KDM3A: variants seen among roughly 807,000 people sequenced by gnomAD.
KDM3A encodes lysine-specific demethylase 3A.
Under a neutral mutation model 158.0 loss-of-function variants are expected in KDM3A, and 60 were observed. The ratio of observed to expected loss-of-function variants is 0.38; its 90% confidence interval spans 0.31 to 0.47. The LOEUF is 0.47. KDM3A is among the 20% of genes least tolerant of loss of function. The pLI, the probability that KDM3A is intolerant of heterozygous loss-of-function variation, is 0.99. For missense variants in KDM3A, 1,319 were observed against 1,574.3 expected (o/e 0.84, Z 2.74); for synonymous variants, 608 against 549.3 (o/e 1.11, Z -1.49).
chr2:86,455,413 C>T (rs778444084), intron 5 of KDM3A, among the ~76,000 whole-genome samples: 4 of 151,566 alleles, frequency 2.6e-5, no homozygotes, highest in East Asian at 1.9e-4. Context: ...CCACCACACC[C>T]GGCTAGTTTT....
At chr2:86,456,903 T>C (rs1203505132) in intron 7 of KDM3A, 26 bp downstream of exon 7, 2 of 1,582,058 alleles carry the variant, frequency 1.3e-6, no homozygotes, top group African/African-American at 1.3e-5. Context: ...AAAATCTTTC[T>C]TCTCCTTCCT....
At chr2:86,491,840 T>C in intron 25 of KDM3A, 199 bp from the exon 26 acceptor site, 1 of 566,750 alleles carries the variant, frequency 1.8e-6, no homozygotes, top group South Asian at 2.2e-5. Context: ...AAATGAGTTC[T>C]TGAAATCATG....
At chr2:86,476,035 C>T (rs1176119997) in intron 12 of KDM3A, among the ~76,000 whole-genome samples, 1 of 152,188 alleles carries the variant, frequency 6.6e-6, no homozygotes, top group Non-Finnish European at 1.5e-5. Flanking sequence ...TTTAGAATTA[C>T]TTCATTCTGC....
intron 6 of KDM3A, 74 bp downstream of exon 6, chr2:86,456,640 T>C: frequency 7.0e-7 from 1 of 1,432,686 alleles, no homozygotes; most frequent in African/African-American, 1.4e-5. Context: ...TATGATTTTC[T>C]AGGCACTAAA....
At chr2:86,480,743 TAAAAG>T (rs911628286) in intron 16 of KDM3A, among the ~76,000 whole-genome samples, 2 of 152,186 alleles carry the variant, frequency 1.3e-5, no homozygotes, top group African/African-American at 2.4e-5. Flanking sequence ...AAGGAGCTCT[TAAAAG>T]AACTCATAAA....
At position 86,477,903 on chromosome 2, in the gene KDM3A, A is replaced by G. The variant is rs1415116635; in HGVS notation, c.1966A>G (p.Lys656Glu). ...HRQVAWKRAVKGVREMCDVCD... is the reference protein window; with the variant it reads ...HRQVAWKRAVEGVREMCDVCD... ...ACAGGTTGCTTGGAAGCGAGCTGTC[A>G]AAGGTGTTCGAGAAATGTGTGATGT... Residue 656 changes from lysine to glutamate, a missense_variant, in exon 13 of 26, where the codon AAA (lysine) becomes GAA (glutamate). Transcript: ENST00000312912. 1 of 1,613,068 alleles carries G rather than the reference A, an allele frequency of 6.2e-7. No homozygotes were observed. Among genetic ancestry groups the G allele is most frequent in the Non-Finnish European group, 8.5e-7 (1 of 1,179,456 alleles).
intron 11 of KDM3A, among the ~76,000 whole-genome samples, chr2:86,473,054 A>G (rs1051310685): frequency 2.0e-5 from 3 of 152,206 alleles, no homozygotes; most frequent in Non-Finnish European, 2.9e-5. Context: ...ATAAGAATTA[A>G]TGACTGTTAG....
Position 86,492,234 on chromosome 2 carries a change from T to C in KDM3A, c.*115T>C. Reference sequence around the variant, plus strand: ...CTTCTTTTTTAAACTGTACCCAACTTGTGAGGGTACTCTGTCTAATGTATA... The same window carrying C: ...CTTCTTTTTTAAACTGTACCCAACTCGTGAGGGTACTCTGTCTAATGTATA... On this transcript the variant is annotated 3_prime_UTR_variant, in exon 26 of 26. Transcript: ENST00000312912. 1.4e-6 allele frequency: 1 copy of C among 728,682 alleles called. No individual in the cohort carries two copies. The highest frequency in any genetic ancestry group is 1.6e-5 in the South Asian group (1 of 62,426). The allele number at this position is 728,682 out of a possible 1,614,324, so 45.1% of individuals were successfully genotyped here.
At chr2:86,445,571 C>T (rs1682925026) in intron 2 of KDM3A, among the ~76,000 whole-genome samples, 1 of 152,136 alleles carries the variant, frequency 6.6e-6, no homozygotes, top group African/African-American at 2.4e-5. Context: ...GTCTAATGCC[C>T]CTTCTTAGTC....
chr2:86,464,312 T>G lies in KDM3A; in HGVS notation c.1007+96T>G, dbSNP rs1673045732. 4.3e-6 allele frequency: 4 copies of G among 926,090 alleles called. No individual in the cohort carries two copies. The African/African-American group carries it at 6.8e-5, about 16-fold the overall frequency. 57.4% of individuals were successfully genotyped at this position (926,090 alleles called of 1,614,324 possible). On this transcript the variant is annotated intron_variant, in intron 9 of 25. Transcript: ENST00000312912. ...TTATCCCTGGTTGTCCAGGGAGGTT[T>G]TTCGTTAGAGTTTCTGAGAAAAGAT...
At chr2:86,481,524 G>A (rs988066458) in intron 16 of KDM3A, among the ~76,000 whole-genome samples, 1 of 150,542 alleles carries the variant, frequency 6.6e-6, no homozygotes, top group Non-Finnish European at 1.5e-5. Flanking sequence ...CAGTTTCTGT[G>A]TTCAAGAACA....
Position 86,492,310 on chromosome 2 carries a change from A to C in KDM3A, c.*191A>C. 1 of 513,710 alleles carries C rather than the reference A, an allele frequency of 1.9e-6. No individual in the cohort carries two copies. Among genetic ancestry groups the C allele is most frequent in the Admixed American group, 3.5e-5 (1 of 28,358 alleles). The allele number at this position is 513,710 out of a possible 1,614,324, so 31.8% of individuals were successfully genotyped here. A position where few individuals can be genotyped will look rare whatever the true frequency, so the allele number is the denominator to read the frequency against. ...GTGTATATGTAGTAACTATTTACAG[A>C]ACATGCATCCTTAAACTGTGACTTC... On this transcript the variant is annotated 3_prime_UTR_variant, in exon 26 of 26. Transcript: ENST00000312912.
chr2:86,468,482 G>T (rs1034428097), intron 10 of KDM3A, among the ~76,000 whole-genome samples: 4 of 152,100 alleles, frequency 2.6e-5, no homozygotes, highest in Non-Finnish European at 5.9e-5. Flanking sequence ...AGTGAGTTAC[G>T]GAGTCCAGCT....
In KDM3A at chr2:86,466,604, C is replaced by T. The variant is rs1314202523; in HGVS notation, c.1240C>T (p.Pro414Ser). ...ESVPQALTGL[P>S]KECLPTKASS... The stretch of plus-strand genomic sequence containing the variant: ...TGTTCCACAAGCATTGACTGGCCTT[C>T]CTAAGGAGTGCTTACCTACAAAGGC... The change falls in exon 10 of 26, where the codon CCT (proline) becomes TCT (serine). Residue 414 changes from proline (P) to serine (S), a missense_variant. Coordinates refer to ENST00000312912, the MANE Select transcript of KDM3A (RefSeq NM_018433.6). 2 of 1,613,836 alleles carry T rather than the reference C, an allele frequency of 1.2e-6. No homozygotes were observed. The highest frequency in any genetic ancestry group is 1.3e-5 in the African/African-American group (1 of 74,910).
chr2:86,440,605 T>G (rs1029384599), upstream of KDM3A: 1 of 152,232 alleles, frequency 6.6e-6, no homozygotes, highest in Admixed American at 6.5e-5. Flanking sequence ...TCATTATACA[T>G]TGTATTTAAA....
chr2:86,456,783 C>T, intron 6 of KDM3A, 22 bp from the exon 7 acceptor site: 1 of 1,588,736 alleles, frequency 6.3e-7, no homozygotes, highest in Non-Finnish European at 8.6e-7. Flanking sequence ...TTTCCGGTAT[C>T]TTTGTTTCAT....
At chr2:86,478,332 T>C (rs1407337668) in intron 14 of KDM3A, 67 bp downstream of exon 14, 2 of 1,189,702 alleles carry the variant, frequency 1.7e-6, no homozygotes, top group Non-Finnish European at 1.2e-6. Flanking sequence ...CTGGTAGTTT[T>C]GTTTTCCTTT....
intron 12 of KDM3A, among the ~76,000 whole-genome samples, chr2:86,477,503 A>G (rs1355628677): frequency 6.6e-6 from 1 of 152,178 alleles, no homozygotes; most frequent in Non-Finnish European, 1.5e-5. Flanking sequence ...AAATTCTGAA[A>G]GGGACTCATG....
chr2:86,483,946 C>T (rs372993654), intron 18 of KDM3A, 41 bp from the exon 19 acceptor site: 69 of 1,542,556 alleles, frequency 4.5e-5, no homozygotes, highest in Non-Finnish European at 6.1e-5. Context: ...GGGGACAGAG[C>T]TGGCAGAGTT....
Sources: gnomAD v4.1 joint callset for allele counts (sites outside exome capture counted in the v4.1 genomes callset) on GRCh38, gnomAD v4.1.1 for gene constraint, MANE v1.5 for transcripts, NCBI Gene and HGNC (gene_info 2026-07-23, HGNC 2026-07-21) for gene names.